The following NELL2 variants were observed in gnomAD, a reference collection of about 807,000 sequenced individuals.
The protein encoded by NELL2 is protein kinase C-binding protein NELL2.
Under a neutral mutation model 109.6 loss-of-function variants are expected in NELL2, and 41 were observed. That is an observed-to-expected ratio of 0.37 (90% CI 0.29 to 0.49). The LOEUF (loss-of-function observed/expected upper bound fraction) is 0.49, where lower values mean the gene tolerates loss of function less well. Ranked by LOEUF, NELL2 falls within the 20% of genes least tolerant of loss-of-function variation. The pLI is 0.98. For synonymous variants in NELL2, 355 were observed against 344.7 expected (o/e 1.03, Z -0.33); for missense variants, 900 against 1,008.3 (o/e 0.89, Z 1.45).
At chr12:44,806,962 A>G (rs1194738059) in intron 3 of NELL2, among the ~76,000 whole-genome samples, 1 of 151,720 alleles carries the variant, frequency 6.6e-6, no homozygotes, top group Non-Finnish European at 1.5e-5. Context: ...TAGAGCCTCA[A>G]TTCTTAAGTA....
intron 9 of NELL2, among the ~76,000 whole-genome samples, chr12:44,748,253 G>C (rs1296160895): frequency 6.6e-6 from 1 of 152,168 alleles, no homozygotes; most frequent in East Asian, 1.9e-4. Context: ...AAAGAAAAGT[G>C]TCCCTTTATA....
chr12:44,566,566 C>CACACACACACACACACACAGAGAG (rs377368706), intron 15 of NELL2, among the ~76,000 whole-genome samples: 9 of 138,422 alleles, frequency 6.5e-5, no homozygotes, highest in African/African-American at 2.3e-4. Flanking sequence ...CACACACACA[C>CACACACACACACACACACAGAGAG]AGAGTTTTAT....
intron 13 of NELL2, among the ~76,000 whole-genome samples, chr12:44,615,569 A>G (rs1424391125): frequency 6.6e-6 from 1 of 152,170 alleles, no homozygotes; most frequent in Non-Finnish European, 1.5e-5. Flanking sequence ...ATTGATTGCT[A>G]TGTAATTGAT....
At chr12:44,557,579 A>C (rs1943304956) in intron 15 of NELL2, among the ~76,000 whole-genome samples, 1 of 152,178 alleles carries the variant, frequency 6.6e-6, no homozygotes. Context: ...AACTGAAGGT[A>C]ATGGAGAAAA....
chr12:44,847,567 G>GGAAA (rs112281788), intron 2 of NELL2, among the ~76,000 whole-genome samples: 3 of 142,954 alleles, frequency 2.1e-5, no homozygotes, highest in African/African-American at 7.7e-5. Context: ...AGAAATGGGG[G>GGAAA]AAAAAAAAAA....
rs1235690039 is a variant in NELL2, at chr12:44,882,339, G to GTA, written c.39-6441_39-6440dup. Among the ~76,000 whole-genome samples the GTA allele has an allele frequency of 1.6e-3, 240 of 150,362 alleles. 3 individuals are homozygous for GTA. The highest frequency in any genetic ancestry group is 3.9e-3 in the African/African-American group (157 of 40,710). ...ACAACACAGATTCATATATATGTATGTATATATATATACACATATGTATAT... is the reference window on the plus strand; with the variant it reads ...ACAACACAGATTCATATATATGTATGTATATATATATATACACATATGTATAT... On this transcript the variant is annotated intron_variant, in intron 1 of 20. Transcript: ENST00000333837.
upstream of NELL2, among the ~76,000 whole-genome samples, chr12:44,915,869 C>T (rs1566619618): frequency 6.6e-6 from 1 of 152,074 alleles, no homozygotes; most frequent in Non-Finnish European, 1.5e-5. Context: ...AGTTGTCGAC[C>T]CACTGTACTT....
intron 2 of NELL2, among the ~76,000 whole-genome samples, chr12:44,866,350 C>A (rs1944999508): frequency 6.6e-6 from 1 of 151,964 alleles, no homozygotes; most frequent in Non-Finnish European, 1.5e-5. Flanking sequence ...TGCTCATGAA[C>A]AACTAATTGG....
At chr12:44,907,242 G>T (rs138425506) in intron 1 of NELL2, among the ~76,000 whole-genome samples, 45 of 152,186 alleles carry the variant, frequency 3.0e-4, no homozygotes, top group African/African-American at 1.0e-3. Flanking sequence ...AGCAGCATGA[G>T]AATGGATTAA....
At chr12:44,710,821 G>A (rs1016320060) in intron 11 of NELL2, among the ~76,000 whole-genome samples, 1 of 152,082 alleles carries the variant, frequency 6.6e-6, no homozygotes, top group African/African-American at 2.4e-5. Flanking sequence ...ACCTATGGGT[G>A]AGAATTGAGA....
chr12:44,871,774 G>A (rs982693401), intron 2 of NELL2, among the ~76,000 whole-genome samples: 3 of 152,120 alleles, frequency 2.0e-5, no homozygotes, highest in Middle Eastern at 3.2e-3. Context: ...GGAGACGTAC[G>A]ACCTTTTTTT....
intron 15 of NELL2, among the ~76,000 whole-genome samples, chr12:44,535,840 G>A (rs1366199280): frequency 6.6e-6 from 1 of 151,834 alleles, no homozygotes; most frequent in African/African-American, 2.4e-5. Flanking sequence ...ACAATATAGG[G>A]TAATTATTCA....
intron 15 of NELL2, among the ~76,000 whole-genome samples, chr12:44,591,316 A>G (rs1370789822): frequency 6.6e-6 from 1 of 152,204 alleles, no homozygotes; most frequent in Non-Finnish European, 1.5e-5. Flanking sequence ...TTGAAGAGAT[A>G]TCTGCACCCC....
At chr12:44,541,640 AT>A (rs1942577365) in intron 15 of NELL2, among the ~76,000 whole-genome samples, 6 of 152,168 alleles carry the variant, frequency 3.9e-5, no homozygotes, top group Admixed American at 3.9e-4. Context: ...TGGGAGAAAA[AT>A]ATCTTTAATA....
intron 15 of NELL2, among the ~76,000 whole-genome samples, chr12:44,598,419 T>C (rs1337461256): frequency 2.0e-5 from 3 of 152,102 alleles, no homozygotes. Context: ...GTAAACCTCA[T>C]AAACTTCATA....
intron 15 of NELL2, among the ~76,000 whole-genome samples, chr12:44,596,261 C>A (rs376772809): frequency 2.0e-5 from 3 of 152,164 alleles, no homozygotes; most frequent in African/African-American, 7.2e-5. Flanking sequence ...CACCCATATT[C>A]CACAAAGTTT....
chr12:44,609,573 C>T (rs1428347196), intron 14 of NELL2, among the ~76,000 whole-genome samples: 1 of 152,074 alleles, frequency 6.6e-6, no homozygotes, highest in Non-Finnish European at 1.5e-5. Flanking sequence ...CTATACTTTA[C>T]ATTCTAAAAG....
In NELL2 at chr12:44,703,824, C is replaced by A. The variant is rs748669150; in HGVS notation, c.1220G>T (p.Cys407Phe). The change falls in exon 12 of 20, where the codon TGC becomes TTC. Residue 407 changes from cysteine to phenylalanine, a missense_variant. Physicochemically the swap from Cys to Phe is radical, Grantham distance 205. Transcript: ENST00000429094. ...ATTTCTGCAGATGGAATTCTCCATG[C>A]AGTTATGCCTTTCAGAACAAAAGTC... Reference protein sequence around the residue: ...GYDFCSERHNCMENSICRNLN... With the variant: ...GYDFCSERHNFMENSICRNLN... 2 of 1,612,820 alleles carry A rather than the reference C, an allele frequency of 1.2e-6. No homozygotes were observed. Among genetic ancestry groups the A allele is most frequent in the East Asian group, 4.5e-5 (2 of 44,804 alleles).
At chr12:44,881,053 A>G (rs1249428520), upstream of NELL2, 1 of 152,020 alleles carries the variant, frequency 6.6e-6, no homozygotes, top group Non-Finnish European at 1.5e-5. Context: ...GCACAGTTGC[A>G]TACTACAAAG....
Sources: gnomAD v4.1 joint callset for allele counts (sites outside exome capture counted in the v4.1 genomes callset) on GRCh38, gnomAD v4.1.1 for gene constraint, MANE v1.5 for transcripts, NCBI Gene and HGNC (gene_info 2026-07-23, HGNC 2026-07-21) for gene names.